Variants in KIAA1217 observed in about 807,000 individuals in gnomAD.
KIAA1217 encodes the protein KIAA1217, also known as sickle tail protein homolog.
In KIAA1217, 88 loss-of-function variants were observed where a neutral mutation model predicts 163.9. The observed-to-expected ratio is 0.54, with a 90% CI of 0.45 to 0.64. The LOEUF is 0.64. Ranked by LOEUF, KIAA1217 falls within the 30% of genes least tolerant of loss-of-function variation. The pLI is 0.00. For synonymous variants in KIAA1217, 903 were observed against 923.1 expected (o/e 0.98, Z 0.39); for missense variants, 2,372 against 2,475.0 (o/e 0.96, Z 0.88).
chr10:24,251,400 C>CAAAAAAAAAAA (rs55668887), intron 2 of KIAA1217, among the ~76,000 whole-genome samples: 1 of 90,536 alleles, frequency 1.1e-5, no homozygotes, highest in African/African-American at 4.2e-5. Flanking sequence ...GACACTGTCT[C>CAAAAAAAAAAA]AAAAAAAAAA....
chr10:24,246,539 G>A (rs1442440780), intron 2 of KIAA1217, among the ~76,000 whole-genome samples: 2 of 152,206 alleles, frequency 1.3e-5, no homozygotes, highest in African/African-American at 4.8e-5. Context: ...TCACTACAGT[G>A]ATGCCAATGT....
chr10:24,133,165 G>T (rs182539921), intron 2 of KIAA1217, among the ~76,000 whole-genome samples: 7 of 152,092 alleles, frequency 4.6e-5, no homozygotes, highest in Non-Finnish European at 8.8e-5. Flanking sequence ...AATTCAGACT[G>T]CTTGCTTAAC....
intron 8 of KIAA1217, among the ~76,000 whole-genome samples, chr10:24,501,082 TAAAATA>T (rs1564808193): frequency 7.5e-5 from 8 of 106,818 alleles, no homozygotes; most frequent in Non-Finnish European, 1.5e-4. Flanking sequence ...AAAAAAAAAT[TAAAATA>T]AAAAAAAAAT....
At chr10:23,703,629 C>T (rs1050879462) in intron 1 of KIAA1217, among the ~76,000 whole-genome samples, 1 of 152,158 alleles carries the variant, frequency 6.6e-6, no homozygotes. Context: ...ACAGTTGGCT[C>T]TCGTGAATAT....
intron 1 of KIAA1217, among the ~76,000 whole-genome samples, chr10:23,849,572 C>T (rs939821609): frequency 6.6e-6 from 1 of 152,088 alleles, no homozygotes; most frequent in African/African-American, 2.4e-5. Context: ...TCGCATCTCA[C>T]TCTCTGTGAG....
At position 24,473,757 on chromosome 10, in the gene KIAA1217, C is replaced by T. The variant is rs150623045; in HGVS notation, c.1376C>T (p.Pro459Leu). The change falls in exon 6 of 21, where the codon CCG (proline) becomes CTG (leucine). Residue 459 changes from proline to leucine, a missense_variant. Coordinates refer to ENST00000376454, the MANE Select transcript of KIAA1217 (RefSeq NM_019590.5). ...SLYRQKSRKY[P>L]DSHLPTLGSK... ...TACAGACAGAAATCAAGGAAATATCCGGATAGCCATTTGCCTACACTGGGC... is the reference window on the plus strand; with the variant it reads ...TACAGACAGAAATCAAGGAAATATCTGGATAGCCATTTGCCTACACTGGGC... 5.5e-5 allele frequency: 88 copies of T among 1,614,024 alleles called. No individual in the cohort carries two copies. Among genetic ancestry groups the T allele is most frequent in the South Asian group, 4.3e-4 (39 of 91,070 alleles).
At chr10:23,794,339 C>G (rs1836096056) in intron 1 of KIAA1217, among the ~76,000 whole-genome samples, 1 of 152,160 alleles carries the variant, frequency 6.6e-6, no homozygotes. Flanking sequence ...CATATAATAA[C>G]TTGGCTTGTG....
chr10:24,102,492 T>A (rs768952480), intron 2 of KIAA1217, among the ~76,000 whole-genome samples: 5 of 152,120 alleles, frequency 3.3e-5, no homozygotes, highest in African/African-American at 4.8e-5. Context: ...TTCAATGAAA[T>A]CCTAATCAAA....
intron 6 of KIAA1217, among the ~76,000 whole-genome samples, chr10:24,489,545 A>G (rs2065836740): frequency 6.6e-6 from 1 of 152,130 alleles, no homozygotes; most frequent in Non-Finnish European, 1.5e-5. Flanking sequence ...AGTCAAAAAA[A>G]AAAAAATCAA....
At chr10:24,377,861 G>A (rs1201717143) in intron 2 of KIAA1217, among the ~76,000 whole-genome samples, 2 of 151,750 alleles carry the variant, frequency 1.3e-5, no homozygotes, top group African/African-American at 4.8e-5. Flanking sequence ...GTGTTGGTCA[G>A]CGGTGGTTTG....
chr10:24,212,895 A>G (rs932655395), intron 1 of KIAA1217, among the ~76,000 whole-genome samples: 3 of 152,164 alleles, frequency 2.0e-5, no homozygotes, highest in Admixed American at 1.3e-4. Context: ...CTCAATAATC[A>G]TTTGTTGAAT....
intron 1 of KIAA1217, among the ~76,000 whole-genome samples, chr10:23,850,627 G>T (rs1249746358): frequency 6.6e-6 from 1 of 152,084 alleles, no homozygotes; most frequent in Non-Finnish European, 1.5e-5. Flanking sequence ...ATTTGGTAGT[G>T]CTTTCAATTA....
In KIAA1217 at chr10:24,255,970, G is replaced by T. The variant is rs111737181; in HGVS notation, c.354+36061G>T. On this transcript the variant is annotated intron_variant, in intron 2 of 20. Transcript: ENST00000376454. ...ACCTTGCCGGGCTCTGAAAGAATGA[G>T]TGTGTGGGATCAGATTTAGAAATGC... is the stretch of plus-strand genomic sequence containing the variant. Among the ~76,000 whole-genome samples, 501 of 149,458 alleles carry T rather than the reference G, an allele frequency of 3.4e-3. 1 individual carries two copies. The highest frequency in any genetic ancestry group is 0.012 in the African/African-American group (471 of 40,758).
At chr10:23,940,287 C>T (rs1007964013) in intron 1 of KIAA1217, among the ~76,000 whole-genome samples, 1 of 151,428 alleles carries the variant, frequency 6.6e-6, no homozygotes, top group Non-Finnish European at 1.5e-5. Context: ...TGGTGAAACC[C>T]GGTCTCTACT....
intron 1 of KIAA1217, among the ~76,000 whole-genome samples, chr10:23,929,145 A>G (rs1215668867): frequency 6.6e-6 from 1 of 152,162 alleles, no homozygotes; most frequent in Non-Finnish European, 1.5e-5. Flanking sequence ...GTTTATTATT[A>G]TTATTTTAAT....
intron 2 of KIAA1217, among the ~76,000 whole-genome samples, chr10:24,062,603 G>A (rs937391346): frequency 8.6e-5 from 13 of 151,648 alleles, no homozygotes; most frequent in African/African-American, 1.9e-4. Context: ...AAACATACGT[G>A]TGCATGTGTC....
intron 3 of KIAA1217, among the ~76,000 whole-genome samples, chr10:24,409,539 T>C (rs775094344): frequency 2.6e-5 from 4 of 152,216 alleles, no homozygotes; most frequent in African/African-American, 9.6e-5. Context: ...GTTTCATAAG[T>C]ATATCCATAT....
chr10:24,101,085 GT>G (rs1272639808), intron 2 of KIAA1217, among the ~76,000 whole-genome samples: 3 of 152,254 alleles, frequency 2.0e-5, no homozygotes, highest in Admixed American at 6.5e-5. Context: ...ACAAAAAACA[GT>G]ATTCCACGTT....
At chr10:24,276,921 T>TAA (rs113866447) in intron 2 of KIAA1217, among the ~76,000 whole-genome samples, 3 of 146,044 alleles carry the variant, frequency 2.1e-5, no homozygotes, top group Admixed American at 1.4e-4. Context: ...TCCAGCTAAT[T>TAA]AAAAAAAAAA....
Sources: allele counts gnomAD v4.1 joint callset (sites outside exome capture counted in the v4.1 genomes callset), GRCh38; gene constraint gnomAD v4.1.1; transcripts MANE v1.5; gene names NCBI Gene and HGNC (gene_info 2026-07-23, HGNC 2026-07-21).